The following COL23A1 variants were observed in gnomAD, a reference collection of about 807,000 sequenced individuals.
The protein encoded by COL23A1 is collagen type XXIII alpha 1 chain.
A neutral mutation model predicts 99.3 loss-of-function variants in COL23A1; 97 were observed. The ratio of observed to expected loss-of-function variants is 0.98; its 90% CI spans 0.83 to 1.16. The LOEUF (loss-of-function observed/expected upper bound fraction) is 1.16, where lower values mean the gene tolerates loss of function less well. COL23A1 is among the 50% of genes most tolerant of loss of function. COL23A1 has a pLI of 0.00. For synonymous variants in COL23A1, 320 were observed against 308.2 expected, an observed-to-expected ratio of 1.04 and a Z score of -0.40; for missense variants, 762 against 757.4, an observed-to-expected ratio of 1.01 and a Z score of -0.07.
At chr5:178,508,227 A>G (rs1562035816) in intron 2 of COL23A1, among the ~76,000 whole-genome samples, 1 of 152,046 alleles carries the variant, frequency 6.6e-6, no homozygotes, top group African/African-American at 2.4e-5. Flanking sequence ...CCATTTCTGT[A>G]TTAAGACTCT....
intron 2 of COL23A1, among the ~76,000 whole-genome samples, chr5:178,506,653 TCTCA>T (rs1758889490): frequency 6.6e-6 from 1 of 152,220 alleles, no homozygotes; most frequent in African/African-American, 2.4e-5. Context: ...TGTTTCTAAT[TCTCA>T]CTAATGACGA....
chr5:178,269,329 ATGTAT>A (rs1756093846), intron 6 of COL23A1, among the ~76,000 whole-genome samples: 1 of 119,454 alleles, frequency 8.4e-6, no homozygotes. Flanking sequence ...CCATCCATCC[ATGTAT>A]CCATCCATCC....
chr5:178,365,794 A>T lies in COL23A1; in HGVS notation c.362-58875T>A, dbSNP rs991760102. Among the ~76,000 whole-genome samples the T allele has an allele frequency of 3.3e-5, 5 of 151,812 alleles. No individual in the cohort carries two copies. The highest frequency in any genetic ancestry group is 1.2e-4 in the African/African-American group (5 of 41,278). On this transcript the variant is annotated intron_variant, in intron 2 of 28. Coordinates refer to ENST00000390654, the MANE Select transcript of COL23A1 (RefSeq NM_173465.4). The surrounding 1 kb of genome is among the most constrained non-coding windows in gnomAD (Gnocchi z 5.2). ...ACCCAGGAGTCCTCTGTGACCTGGGAGGGGGCCCACTCCCCCTACCCTCAG... is the reference window on the plus strand; with the variant it reads ...ACCCAGGAGTCCTCTGTGACCTGGGTGGGGGCCCACTCCCCCTACCCTCAG...
At chr5:178,537,974 C>T (rs1761073727) in intron 2 of COL23A1, among the ~76,000 whole-genome samples, 1 of 152,242 alleles carries the variant, frequency 6.6e-6, no homozygotes, top group Non-Finnish European at 1.5e-5. Context: ...AGTGGAATCA[C>T]ACAGTATCCG....
chr5:178,318,026 T>C (rs1759070682), intron 2 of COL23A1, among the ~76,000 whole-genome samples: 1 of 151,984 alleles, frequency 6.6e-6, no homozygotes, highest in South Asian at 2.1e-4. Context: ...GAGCTACAGT[T>C]CAAGATGAGA....
At chr5:178,295,154 C>T (rs773936873) in intron 3 of COL23A1, among the ~76,000 whole-genome samples, 7 of 152,196 alleles carry the variant, frequency 4.6e-5, no homozygotes, top group Admixed American at 6.5e-5. Flanking sequence ...CACTGCACCC[C>T]GGCCTCGGTG....
chr5:178,496,283 GC>G (rs1241065268), intron 2 of COL23A1, among the ~76,000 whole-genome samples: 1 of 152,100 alleles, frequency 6.6e-6, no homozygotes, highest in South Asian at 2.1e-4. Context: ...ACAAGATGAG[GC>G]CCCGAAGCCA....
At chr5:178,482,871 C>T (rs1757415244) in intron 2 of COL23A1, among the ~76,000 whole-genome samples, 1 of 152,006 alleles carries the variant, frequency 6.6e-6, no homozygotes, top group Admixed American at 6.6e-5. Flanking sequence ...CACTGCACTC[C>T]TGCCTGGGCA....
At chr5:178,397,636 G>T (rs1764222788) in intron 2 of COL23A1, among the ~76,000 whole-genome samples, 1 of 152,236 alleles carries the variant, frequency 6.6e-6, no homozygotes, top group South Asian at 2.1e-4. Flanking sequence ...GAGGTTATCT[G>T]TGCCTGTAAT....
chr5:178,386,986 C>T (rs1013081899), intron 2 of COL23A1, among the ~76,000 whole-genome samples: 3 of 152,108 alleles, frequency 2.0e-5, no homozygotes, highest in Non-Finnish European at 2.9e-5. Flanking sequence ...AATAAATACC[C>T]ACAGGCTGAC....
At chr5:178,397,212 C>A (rs530788168) in intron 2 of COL23A1, among the ~76,000 whole-genome samples, 1 of 152,280 alleles carries the variant, frequency 6.6e-6, no homozygotes, top group East Asian at 1.9e-4. Context: ...TCCTTCCTGC[C>A]GCCACCAACA....
At chr5:178,286,480 C>A (rs906905795) in intron 5 of COL23A1, among the ~76,000 whole-genome samples, 3 of 152,242 alleles carry the variant, frequency 2.0e-5, no homozygotes, top group Non-Finnish European at 4.4e-5. Flanking sequence ...TCAGCTTCGT[C>A]TTTAATTCCC....
chr5:178,382,403 T>C (rs1454898565), intron 2 of COL23A1, among the ~76,000 whole-genome samples: 1 of 151,664 alleles, frequency 6.6e-6, no homozygotes, highest in African/African-American at 2.4e-5. Flanking sequence ...ATGAGAATCA[T>C]GTTGGAAACG....
At chr5:178,437,405 G>T (rs983073095) in intron 2 of COL23A1, among the ~76,000 whole-genome samples, 5 of 152,176 alleles carry the variant, frequency 3.3e-5, no homozygotes, top group Non-Finnish European at 5.9e-5. Flanking sequence ...AACTGAGCCG[G>T]GTCCAGGGAG....
At chr5:178,585,642 G>T (rs976535974) in intron 1 of COL23A1, among the ~76,000 whole-genome samples, 37 of 151,908 alleles carry the variant, frequency 2.4e-4, no homozygotes, top group African/African-American at 7.0e-4. Context: ...ACACTCCACA[G>T]CCCTGGATGG....
chr5:178,577,535 T>C (rs1016060558), intron 1 of COL23A1, among the ~76,000 whole-genome samples: 2 of 152,052 alleles, frequency 1.3e-5, no homozygotes, highest in Admixed American at 6.5e-5. Context: ...CGCTGGGGCT[T>C]TCAGCAGGGC....
At position 178,237,992 on chromosome 5, in the gene COL23A1, T is replaced by C; in HGVS notation, c.*706A>G. The C allele has an allele frequency of 6.5e-6, 1 of 153,354 alleles. No individual in the cohort carries two copies. Among genetic ancestry groups the C allele is most frequent in the Non-Finnish European group, 1.5e-5 (1 of 68,490 alleles). The allele number at this position is 153,354 out of a possible 1,614,324, so 9.5% of individuals were successfully genotyped here. ...TAGCAGTCAGTCCAGGCTGGGCCCC[T>C]CCATCCTCGACACTCTGCTCCCTGG... is the stretch of plus-strand genomic sequence containing the variant. On this transcript the variant is annotated 3_prime_UTR_variant, in exon 29 of 29. Transcript: ENST00000390654.
Position 178,450,540 on chromosome 5 carries a change from G to A in COL23A1, c.361+110142C>T, listed in dbSNP as rs374518451. Among the ~76,000 whole-genome samples the A allele has an allele frequency of 3.0e-4, 45 of 152,234 alleles. 3 individuals carry two copies. Among genetic ancestry groups the A allele is most frequent in the East Asian group, 2.9e-3 (15 of 5,180 alleles). ...AGTAAGCTGGGTGTCCACAGCCTCC[G>A]AGCCGCTACACCGGTGTCTGTGCTG... On this transcript the variant is annotated intron_variant, in intron 2 of 28. Transcript: ENST00000390654.
intron 3 of COL23A1, among the ~76,000 whole-genome samples, chr5:178,304,799 C>T (rs1401283170): frequency 1.3e-5 from 2 of 152,190 alleles, no homozygotes; most frequent in Non-Finnish European, 2.9e-5. Context: ...AGGTACTGTA[C>T]CCCTTGGAGC....
Sources: gnomAD v4.1 joint callset for allele counts (sites outside exome capture counted in the v4.1 genomes callset) on GRCh38, gnomAD v4.1.1 for gene constraint, Gnocchi (gnomAD v3.1) non-coding constraint, MANE v1.5 for transcripts, NCBI Gene and HGNC (gene_info 2026-07-23, HGNC 2026-07-21) for gene names.